The following ABCA2 variants were observed in gnomAD, a reference collection of about 807,000 sequenced individuals.
ABCA2 encodes ATP binding cassette subfamily A member 2, also known as ATP-binding cassette sub-family A member 2.
In ABCA2, 84 loss-of-function variants were observed where a neutral mutation model predicts 262.8. The observed-to-expected ratio is 0.32, with a 90% CI of 0.27 to 0.38. ABCA2 has a LOEUF of 0.38. ABCA2 is among the 10% of genes least tolerant of loss of function. The pLI, the probability that ABCA2 is intolerant of heterozygous loss-of-function variation, is 1.00. For missense variants in ABCA2, 2,662 were observed against 3,405.9 expected, an observed-to-expected ratio of 0.78 and a Z score of 5.44; for synonymous variants, 1,696 against 1,502.9, an observed-to-expected ratio of 1.13 and a Z score of -2.97.
In ABCA2 at chr9:137,009,392, T is replaced by C. The variant is rs752693296; in HGVS notation, c.6805A>G (p.Ser2269Gly). 1 of 1,417,170 alleles carries C rather than the reference T, an allele frequency of 7.1e-7. No homozygotes were observed. The highest frequency in any genetic ancestry group is 9.4e-7 in the Non-Finnish European group (1 of 1,064,276). 87.8% of individuals were successfully genotyped at this position (1,417,170 alleles called of 1,614,324 possible). A position where few individuals can be genotyped will look rare whatever the true frequency, so the allele number is the denominator to read the frequency against. The change falls in exon 45 of 49, where the codon AGC becomes GGC. Residue 2269 changes from serine to glycine, a missense_variant. Ser to Gly is a moderately conservative substitution (Grantham distance 56). Around this residue, in one of 12 missense-constraint regions of ABCA2, gnomAD observed 602 missense variants for 897.4 expected, o/e 0.67. Coordinates refer to ENST00000341511, the MANE Select transcript of ABCA2 (RefSeq NM_001606.5). ...CACCGGTTCTTCAGGTGCTGGATGC[T>C]GCCCAGGCACCGCAGGCGACCGTTC... ...MVNGRLRCLG[S>G]IQHLKNRFGD...
intron 26 of ABCA2, 70 bp from the exon 27 acceptor site, chr9:137,014,474 C>A: frequency 6.7e-7 from 1 of 1,501,974 alleles, no homozygotes; most frequent in East Asian, 2.5e-5. Flanking sequence ...GACCCCCATC[C>A]CCGGTCTTGA....
intron 3 of ABCA2, chr9:137,023,264 G>A (rs1229197801): frequency 6.3e-6 from 4 of 633,488 alleles, no homozygotes; most frequent in African/African-American, 3.6e-5. Flanking sequence ...CAGGTCAGAG[G>A]TCAAAGAGCC....
At chr9:137,027,939 G>C (rs1044383048) in intron 1 of ABCA2, 136 bp downstream of exon 1, 8 of 259,836 alleles carry the variant, frequency 3.1e-5, no homozygotes, top group African/African-American at 1.6e-4. Flanking sequence ...CGGGGAGGGG[G>C]CTCGGGCCCG....
chr9:137,017,746 C>G lies in ABCA2; in HGVS notation c.2211+41G>C, dbSNP rs1831312375. 4 of 1,610,042 alleles carry G rather than the reference C, an allele frequency of 2.5e-6. No homozygotes were observed. The South Asian group carries it at 4.4e-5, about 18-fold the overall frequency. ...GCCCCGGGGAGGACGCCGCCCCTCCCTGCCAGCCCGCGCCTCCAGGGAGAG... is the reference window on the plus strand; with the variant it reads ...GCCCCGGGGAGGACGCCGCCCCTCCGTGCCAGCCCGCGCCTCCAGGGAGAG... On this transcript the variant is annotated intron_variant, in intron 16 of 48. Coordinates refer to ENST00000341511, the MANE Select transcript of ABCA2 (RefSeq NM_001606.5).
chr9:137,017,398 C>T lies in ABCA2; in HGVS notation c.2403-52G>A, dbSNP rs767081500. 6.2e-6 allele frequency: 10 copies of T among 1,607,204 alleles called. No individual in the cohort carries two copies. In the South Asian group the frequency reaches 1.1e-4, roughly 18 times the overall value. ...GTCATCCACCCGCACGCCCGGCCTC[C>T]TGGGCAGGCCCGTGCCAGGGTCCAG... On this transcript the variant is annotated intron_variant, in intron 17 of 48. Coordinates refer to ENST00000341511, the MANE Select transcript of ABCA2 (RefSeq NM_001606.5).
Position 137,019,429 on chromosome 9 carries a change from T to A in ABCA2, c.1426-123A>T. The A allele has an allele frequency of 8.4e-7, 1 of 1,185,194 alleles. No homozygotes were observed. The highest frequency in any genetic ancestry group is 1.2e-6 in the Non-Finnish European group (1 of 865,568). The allele number at this position is 1,185,194 out of a possible 1,614,324, so 73.4% of individuals were successfully genotyped here. On this transcript the variant is annotated intron_variant, in intron 10 of 48. Transcript: ENST00000341511. The surrounding 1 kb of genome is among the most constrained non-coding windows in gnomAD (Gnocchi z 4.4). ...CAACAACTAACCCTCCCCACCTTTTTTTTTTTTTTTTTCCTGAGACAGGGT... is the reference window on the plus strand; with the variant it reads ...CAACAACTAACCCTCCCCACCTTTTATTTTTTTTTTTTCCTGAGACAGGGT...
intron 9 of ABCA2, 66 bp from the exon 10 acceptor site, chr9:137,020,561 A>T (rs1831415198): frequency 6.5e-7 from 1 of 1,544,410 alleles, no homozygotes; most frequent in East Asian, 2.3e-5. Context: ...TGGGAGGGGC[A>T]TCGGGATGGG....
At chr9:137,028,618 G>A (rs577085685), upstream of ABCA2, 39 of 1,081,974 alleles carry the variant, frequency 3.6e-5, no homozygotes, top group African/African-American at 6.1e-4. The surrounding 1 kb of genome is among the most constrained non-coding windows in gnomAD (Gnocchi z 6.9). Flanking sequence ...CACTGTCCCC[G>A]GGGCGCGCCG....
At chr9:137,010,935 TCCCGCCCCGCC>T in intron 39 of ABCA2, 27 bp downstream of exon 39, 1 of 310,674 alleles carries the variant, frequency 3.2e-6, no homozygotes, top group Middle Eastern at 9.9e-4. Context: ...CCATCCCTGC[TCCCGCCCCGCC>T]CCCGCCCCAC....
rs751039737 is a variant in ABCA2, at chr9:137,019,038, T to C, written c.1587A>G (p.Ala529=). Residue 529 remains alanine, a synonymous_variant, in exon 12 of 49, where the codon GCA becomes GCG. Transcript: ENST00000341511. This position sits in a 1 kb window ranked among gnomAD's most constrained non-coding sequence, Gnocchi z 4.4. ...GCAGCTCATCCAGTGACAGGTTCAGTGCCTCGGGGTGCAGCCGCAGCTCTG... is the reference window on the plus strand; with the variant it reads ...GCAGCTCATCCAGTGACAGGTTCAGCGCCTCGGGGTGCAGCCGCAGCTCTG... The part of the protein sequence containing the change: ...YVAELRLHPE[A]LNLSLDELPP... The C allele has an allele frequency of 1.2e-6, 2 of 1,612,086 alleles. No homozygotes were observed. The highest frequency in any genetic ancestry group is 3.3e-5 in the Admixed American group (2 of 59,998).
rs532638810 is a variant in ABCA2 at position 137,008,514 on chromosome 9, G to A, written c.7177C>T (p.Pro2393Ser). The change falls in exon 48 of 49, where the codon CCC becomes TCC. Residue 2393 changes from proline to serine, a missense_variant. Physicochemically the swap from Pro to Ser is moderately conservative, Grantham distance 74 (BLOSUM62 -1). This residue lies in a region of ABCA2 where 212 missense variants were observed against 214.4 expected (regional missense o/e 0.99). Coordinates refer to ENST00000341511, the MANE Select transcript of ABCA2 (RefSeq NM_001606.5). ...CGGAGCTCCGTGGGGGCAGACCGGG[G>A]CCGGAGCAGGCTGAGCAAGCAGCCG... is the stretch of plus-strand genomic sequence containing the variant. ...PLGCLLSLLR[P>S]RSAPTELRAL... 8.2e-6 allele frequency: 13 copies of A among 1,589,076 alleles called. No homozygotes were observed. The highest frequency in any genetic ancestry group is 4.0e-5 in the African/African-American group (3 of 74,666).
At chr9:137,015,643 C>T (rs777499490) in intron 23 of ABCA2, 32 bp downstream of exon 23, 3 of 1,610,590 alleles carry the variant, frequency 1.9e-6, no homozygotes, top group East Asian at 4.5e-5. Flanking sequence ...GAGGCGCCGC[C>T]CGCACCCCTG....
chr9:137,013,217 C>T lies in ABCA2; in HGVS notation c.4652G>A (p.Gly1551Asp), dbSNP rs767253473. 6.2e-7 allele frequency: 1 copy of T among 1,602,812 alleles called. No individual in the cohort carries two copies. The highest frequency in any genetic ancestry group is 1.3e-5 in the African/African-American group (1 of 74,882). ...ATCVLKSPANGSLGPTLNLSS... is the reference protein window; with the variant it reads ...ATCVLKSPANDSLGPTLNLSS... ...CAGGTTCAACGTGGGCCCCAGCGAG[C>T]CGTTGGCGGGAGACTTGAGCACGCA... Residue 1551 changes from glycine to aspartate, a missense_variant, in exon 30 of 49, where the codon GGC becomes GAC. Gly to Asp is a moderately conservative substitution (Grantham distance 94). This residue lies in a region of ABCA2 where 192 missense variants were observed against 207.2 expected (regional missense o/e 0.93). Transcript: ENST00000341511.
chr9:137,007,701 G>A lies in ABCA2; in HGVS notation c.*228C>T, dbSNP rs1292674166. 3 of 630,860 alleles carry A rather than the reference G, an allele frequency of 4.8e-6. No homozygotes were observed. Among genetic ancestry groups the A allele is most frequent in the Non-Finnish European group, 8.4e-6 (3 of 357,394 alleles). 39.1% of individuals were successfully genotyped at this position (630,860 alleles called of 1,614,324 possible). On this transcript the variant is annotated 3_prime_UTR_variant, in exon 49 of 49. Transcript: ENST00000341511. ...GGCTTTAAGGCAAAGCAGGGCAAGG[G>A]TGTACGCAGCCCGGGCCGGGTCAGC...
In ABCA2 at chr9:137,017,477, C is replaced by G. The variant is rs199988181; in HGVS notation, c.2402+25G>C. 2.9e-5 allele frequency: 47 copies of G among 1,599,626 alleles called. No individual in the cohort carries two copies. In the East Asian group the frequency reaches 8.7e-4, roughly 30 times the overall value. ...TGCTGGGCAAGTGCCTGCCCCAGGT[C>G]CCTCCTACCATGGCCCGCGCTCACC... On this transcript the variant is annotated intron_variant, in intron 17 of 48. Coordinates refer to ENST00000341511, the MANE Select transcript of ABCA2 (RefSeq NM_001606.5).
rs372744088 is a variant in ABCA2, at chr9:137,015,049, C to A, written c.3746G>T (p.Cys1249Phe). 1 of 1,606,944 alleles carries A rather than the reference C, an allele frequency of 6.2e-7. No homozygotes were observed. Among genetic ancestry groups the A allele is most frequent in the Non-Finnish European group, 8.5e-7 (1 of 1,177,264 alleles). Residue 1249 changes from cysteine (C) to phenylalanine (F), a missense_variant, in exon 25 of 49, where the codon TGC becomes TTC. Physicochemically the swap from Cys to Phe is radical, Grantham distance 205. Coordinates refer to ENST00000341511, the MANE Select transcript of ABCA2 (RefSeq NM_001606.5). Reference protein sequence around the residue: ...SPPGRAPLSSCSELQVSQFIR... With the variant: ...SPPGRAPLSSFSELQVSQFIR... ...GAACTGGGACACCTGGAGCTCGGAG[C>A]AGCTGCTCAGCGGGGCCCGACCTGG...
upstream of ABCA2, among the ~76,000 whole-genome samples, chr9:137,028,477 C>T (rs1408395251): frequency 1.3e-5 from 2 of 151,252 alleles, no homozygotes; most frequent in African/African-American, 4.8e-5. This position sits in a 1 kb window ranked among gnomAD's most constrained non-coding sequence, Gnocchi z 6.9. Flanking sequence ...TCACGCGACG[C>T]GCCCACATCG....
chr9:137,010,478 G>A, intron 40 of ABCA2, 107 bp from the exon 41 acceptor site: 2 of 1,388,610 alleles, frequency 1.4e-6, no homozygotes, highest in Non-Finnish European at 1.9e-6. Context: ...GGGGCCACGT[G>A]CCCCACAGCC....
chr9:137,017,228 C>T lies in ABCA2; in HGVS notation c.2521G>A (p.Asp841Asn). The change falls in exon 18 of 49, where the codon GAT becomes AAT. Residue 841 changes from aspartate (D) to asparagine (N), a missense_variant. By Grantham distance (23) the Asp-to-Asn change is conservative (BLOSUM62 1). This residue lies in a region of ABCA2 where 188 missense variants were observed against 343.4 expected (regional missense o/e 0.55). Transcript: ENST00000341511. ...CACTTCTCGAAGGCCGTGATCTTAT[C>T]ATGCGCCACCTCCTCTCGGATCGCC... ...YVAIREEVAH[D>N]KITAFEKCIA... 6.2e-7 allele frequency: 1 copy of T among 1,612,682 alleles called. No homozygotes were observed. The highest frequency in any genetic ancestry group is 1.1e-5 in the South Asian group (1 of 91,084).
Sources: gnomAD v4.1 joint callset for allele counts (sites outside exome capture counted in the v4.1 genomes callset) on GRCh38, gnomAD v4.1.1 for gene constraint, gnomAD v4.1.1 regional missense constraint, Gnocchi (gnomAD v3.1) non-coding constraint, MANE v1.5 for transcripts, NCBI Gene and HGNC (gene_info 2026-07-23, HGNC 2026-07-21) for gene names.